Variants in SGK1 observed in about 807,000 individuals in gnomAD.
The protein encoded by SGK1 is serine/threonine-protein kinase Sgk1.
In SGK1, 26 loss-of-function variants were observed where a neutral mutation model predicts 64.2. The ratio of observed to expected loss-of-function variants is 0.40; its 90% CI spans 0.30 to 0.56. SGK1 has a LOEUF of 0.56. Ranked by LOEUF, SGK1 falls within the 20% of genes least tolerant of loss-of-function variation. The probability of loss-of-function intolerance (pLI) is 0.38; values close to 1 mark genes in which losing one functional copy is unlikely to be tolerated. For missense variants in SGK1, 519 were observed against 645.6 expected, an observed-to-expected ratio of 0.80 and a Z score of 2.12; for synonymous variants, 265 against 239.7, an observed-to-expected ratio of 1.11 and a Z score of -0.98.
intron 1 of SGK1, among the ~76,000 whole-genome samples, chr6:134,310,150 G>T (rs1341514376): frequency 6.6e-6 from 1 of 151,496 alleles, no homozygotes. Context: ...AAATATGGGT[G>T]AGCTCAGAAT....
At chr6:134,315,089 T>A (rs1582782086) in intron 1 of SGK1, among the ~76,000 whole-genome samples, 1 of 152,182 alleles carries the variant, frequency 6.6e-6, no homozygotes, top group East Asian at 1.9e-4. Context: ...ATTATTGTTT[T>A]AATGTTTTAT....
intron 3 of SGK1, among the ~76,000 whole-genome samples, chr6:134,177,235 C>CA (rs200055632): frequency 8.6e-4 from 93 of 108,698 alleles, no homozygotes; most frequent in South Asian, 2.0e-3. Context: ...CAAACAAAAA[C>CA]AAAACAAAAA....
intron 2 of SGK1, among the ~76,000 whole-genome samples, chr6:134,224,559 C>A (rs1776139133): frequency 1.3e-5 from 2 of 152,166 alleles, no homozygotes; most frequent in South Asian, 4.1e-4. Flanking sequence ...GGTGCTCTGG[C>A]AGGGCATCAT....
chr6:134,173,568 T>TAA lies in SGK1; in HGVS notation c.514-3_514-2insTT. ...GTTGATTTGCTGAGAAGGACTTGGCTAGAAAAAAAAAAAAAGAATTTCTTT... is the reference window on the plus strand; with the variant it reads ...GTTGATTTGCTGAGAAGGACTTGGCTAAAGAAAAAAAAAAAAAGAATTTCTTT... On this transcript the variant is annotated splice_region_variant and splice_polypyrimidine_tract_variant and intron_variant, in intron 5 of 13. Coordinates refer to ENST00000367858, the MANE Select transcript of SGK1 (RefSeq NM_001143676.3). 1.9e-6 allele frequency: 3 copies of TAA among 1,555,688 alleles called. No homozygotes were observed. Among genetic ancestry groups the TAA allele is most frequent in the Admixed American group, 2.0e-5 (1 of 49,066 alleles).
chr6:134,218,386 G>C (rs1020332964), intron 2 of SGK1, among the ~76,000 whole-genome samples: 1 of 151,998 alleles, frequency 6.6e-6, no homozygotes, highest in African/African-American at 2.4e-5. Flanking sequence ...GGTGTGAACA[G>C]ACAGACAGAT....
At chr6:134,218,142 G>A (rs1187647124) in intron 2 of SGK1, among the ~76,000 whole-genome samples, 1 of 152,174 alleles carries the variant, frequency 6.6e-6, no homozygotes, top group Non-Finnish European at 1.5e-5. Flanking sequence ...TTCCCCCCTT[G>A]CATTATGGTT....
chr6:134,275,460 T>C (rs1777005210), intron 1 of SGK1, among the ~76,000 whole-genome samples: 1 of 152,230 alleles, frequency 6.6e-6, no homozygotes, highest in Non-Finnish European at 1.5e-5. Flanking sequence ...CTAGCAGCAG[T>C]GGCTTTCAAA....
chr6:134,291,494 C>A (rs1196849257), intron 1 of SGK1, among the ~76,000 whole-genome samples: 1 of 152,180 alleles, frequency 6.6e-6, no homozygotes, highest in African/African-American at 2.4e-5. Context: ...ATAATAAAGC[C>A]TTCTTTGCTT....
intron 1 of SGK1, among the ~76,000 whole-genome samples, chr6:134,295,751 G>T (rs1777339131): frequency 6.6e-6 from 1 of 151,656 alleles, no homozygotes; most frequent in Non-Finnish European, 1.5e-5. Flanking sequence ...AGGATTCTAT[G>T]GGGAATAGTT....
At chr6:134,267,825 A>G (rs1413037618) in intron 1 of SGK1, among the ~76,000 whole-genome samples, 1 of 152,170 alleles carries the variant, frequency 6.6e-6, no homozygotes, top group Non-Finnish European at 1.5e-5. Flanking sequence ...AGTGTTACTT[A>G]CAAAAATGAA....
chr6:134,265,842 G>A (rs1472483212), intron 1 of SGK1, among the ~76,000 whole-genome samples: 1 of 151,110 alleles, frequency 6.6e-6, no homozygotes, highest in African/African-American at 2.4e-5. Context: ...TCACCATGTT[G>A]GTCAAGCCAA....
intron 1 of SGK1, among the ~76,000 whole-genome samples, chr6:134,308,050 T>C (rs1777560072): frequency 1.3e-5 from 2 of 152,184 alleles, no homozygotes; most frequent in Admixed American, 6.5e-5. Flanking sequence ...GGATTCTTTT[T>C]TAATGTCTTT....
At chr6:134,297,188 A>G (rs962304720) in intron 1 of SGK1, 41 of 757,258 alleles carry the variant, frequency 5.4e-5, no homozygotes, top group Non-Finnish European at 8.4e-5. Flanking sequence ...TGGTCTTCGT[A>G]TGGATACTCA....
At chr6:134,235,590 T>G (rs1776351006) in intron 2 of SGK1, among the ~76,000 whole-genome samples, 1 of 151,500 alleles carries the variant, frequency 6.6e-6, no homozygotes, top group Non-Finnish European at 1.5e-5. Flanking sequence ...TATTTATTTT[T>G]GAGACAGTTT....
At chr6:134,223,368 CA>C (rs71003681) in intron 2 of SGK1, among the ~76,000 whole-genome samples, 85,463 of 138,562 alleles carry the variant, frequency 0.62, 28,029 homozygotes, top group South Asian at 0.84. Context: ...AACTCCGTCT[CA>C]AAAAAAAAAA....
intron 12 of SGK1, 30 bp downstream of exon 12, chr6:134,170,993 G>C: frequency 1.1e-5 from 17 of 1,613,252 alleles, no homozygotes; most frequent in Non-Finnish European, 1.4e-5. Flanking sequence ...CGTCCCGGCC[G>C]GCCCAGGAGG....
chr6:134,206,056 C>T (rs185089108), intron 3 of SGK1, among the ~76,000 whole-genome samples: 1 of 151,990 alleles, frequency 6.6e-6, no homozygotes, highest in East Asian at 1.9e-4. Flanking sequence ...AATCATATAA[C>T]CTGAAGCATA....
intron 2 of SGK1, among the ~76,000 whole-genome samples, chr6:134,246,795 G>T (rs1776531762): frequency 6.6e-6 from 1 of 152,018 alleles, no homozygotes; most frequent in South Asian, 2.1e-4. Flanking sequence ...GTTTCGCCAT[G>T]TTGGCTAGGC....
intron 2 of SGK1, among the ~76,000 whole-genome samples, chr6:134,207,832 A>T (rs975646748): frequency 6.6e-6 from 1 of 152,374 alleles, no homozygotes; most frequent in Admixed American, 6.5e-5. Context: ...TCTCCACATA[A>T]CAGAAATGAT....
Sources: gnomAD v4.1 joint callset for allele counts (sites outside exome capture counted in the v4.1 genomes callset) on GRCh38, gnomAD v4.1.1 for gene constraint, MANE v1.5 for transcripts, NCBI Gene and HGNC (gene_info 2026-07-23, HGNC 2026-07-21) for gene names.